CEP95: variants seen among roughly 807,000 people sequenced by gnomAD.
The protein encoded by CEP95 is centrosomal protein of 95 kDa.
CEP95 carries 98 observed loss-of-function variants against 111.2 expected under a neutral mutation model. That is an observed-to-expected ratio of 0.88 (90% CI 0.75 to 1.04). The LOEUF (loss-of-function observed/expected upper bound fraction) is 1.04, where lower values mean the gene tolerates loss of function less well. CEP95 is among the 50% of genes least tolerant of loss of function. The pLI, the probability that CEP95 is intolerant of heterozygous loss-of-function variation, is 0.00. For missense variants in CEP95, 1,027 were observed against 977.2 expected, an observed-to-expected ratio of 1.05 and a Z score of -0.68; for synonymous variants, 323 against 327.1, an observed-to-expected ratio of 0.99 and a Z score of 0.14.
At chr17:64,527,910 G>A (rs530646119) in intron 11 of CEP95, among the ~76,000 whole-genome samples, 34 of 150,108 alleles carry the variant, frequency 2.3e-4, no homozygotes, top group African/African-American at 6.4e-4. Context: ...ACACACACGC[G>A]TGTAGCACTA....
At chr17:64,506,898 T>G (rs1272909682), upstream of CEP95, 2 of 668,174 alleles carry the variant, frequency 3.0e-6, no homozygotes, top group African/African-American at 1.8e-5. Context: ...CCGTTTCACG[T>G]CCTGTGAAAG....
chr17:64,522,013 C>T lies in CEP95; in HGVS notation c.715+486C>T, dbSNP rs781924710. On this transcript the variant is annotated intron_variant, in intron 7 of 19. Coordinates refer to ENST00000556440, the MANE Select transcript of CEP95 (RefSeq NM_138363.3). ...CTGGGATTATAGGCGCTTGCTACCA[C>T]GCCCAGCTAACTTATTTTTAGTAGA... Among the ~76,000 whole-genome samples the T allele has an allele frequency of 1.2e-4, 18 of 152,104 alleles. 1 individual carries two copies. The highest frequency in any genetic ancestry group is 1.7e-4 in the African/African-American group (7 of 41,488).
chr17:64,507,799 G>A (rs2038644933), intron 1 of CEP95: 1 of 985,308 alleles, frequency 1.0e-6, no homozygotes. Flanking sequence ...GAACATAGTG[G>A]AGATGTTTGT....
chr17:64,507,587 C>T (rs782066071), intron 1 of CEP95: 54 of 1,015,642 alleles, frequency 5.3e-5, no homozygotes, highest in Non-Finnish European at 6.0e-5. Flanking sequence ...CTCTTCAGTG[C>T]CCTCTAGAGT....
At chr17:64,511,376 T>G (rs1385803186) in intron 3 of CEP95, among the ~76,000 whole-genome samples, 1 of 152,200 alleles carries the variant, frequency 6.6e-6, no homozygotes, top group African/African-American at 2.4e-5. Context: ...CGGGGGACCG[T>G]CTGTAGACCT....
In CEP95 at chr17:64,507,745, A is replaced by G; in HGVS notation, c.19+629A>G. The G allele has an allele frequency of 3.0e-6, 3 of 985,812 alleles. No individual in the cohort carries two copies. In the South Asian group the frequency reaches 1.4e-4, roughly 46 times the overall value. 61.1% of individuals were successfully genotyped at this position (985,812 alleles called of 1,614,324 possible). ...GGGCGTGGGGAGGGGGATTATGTGC[A>G]TGGAAAATACACTCTCATTCGTTTC... On this transcript the variant is annotated intron_variant, in intron 1 of 19. Transcript: ENST00000556440.
In CEP95 at chr17:64,507,014, G is replaced by A. The variant is rs2038573490; in HGVS notation, c.-84G>A. On this transcript the variant is annotated 5_prime_UTR_variant, in exon 1 of 20. Transcript: ENST00000556440. ...TTGGTTCGTGCGTCCGCGCCCCAGT[G>A]TCGGGTCTGCGTGGATCGGTCCTTC... The A allele has an allele frequency of 2.0e-6, 3 of 1,505,078 alleles. No individual in the cohort carries two copies. In the East Asian group the frequency reaches 7.4e-5, roughly 37 times the overall value. The allele number at this position is 1,505,078 out of a possible 1,614,324, so 93.2% of individuals were successfully genotyped here. A position where few individuals can be genotyped will look rare whatever the true frequency, so the allele number is the denominator to read the frequency against.
intron 11 of CEP95, 59 bp downstream of exon 11, chr17:64,527,323 C>T: frequency 7.6e-7 from 1 of 1,307,692 alleles, no homozygotes; most frequent in Non-Finnish European, 1.0e-6. Context: ...TAGGCAGTTC[C>T]ATCTGTTCTT....
chr17:64,508,045 C>A lies in CEP95; in HGVS notation c.20-547C>A, dbSNP rs1004148326. The A allele has an allele frequency of 4.1e-6, 4 of 985,132 alleles. No homozygotes were observed. In the Admixed American group the frequency reaches 1.8e-4, roughly 45 times the overall value. 61.0% of individuals were successfully genotyped at this position (985,132 alleles called of 1,614,324 possible). A position where few individuals can be genotyped will look rare whatever the true frequency, so the allele number is the denominator to read the frequency against. ...CGATATAATAAAAAAGAAAAACTAA[C>A]AAATGCATTACCGTTGATGTTGTTA... On this transcript the variant is annotated intron_variant, in intron 1 of 19. Transcript: ENST00000556440.
chr17:64,525,999 G>A (rs1463636659), intron 9 of CEP95, 72 bp from the exon 10 acceptor site: 4 of 1,536,082 alleles, frequency 2.6e-6, no homozygotes, highest in South Asian at 2.4e-5. Flanking sequence ...GTTAAAGTAC[G>A]TATTACAGTT....
At chr17:64,533,305 T>A (rs1968419647) in intron 16 of CEP95, 114 bp downstream of exon 16, 1 of 849,382 alleles carries the variant, frequency 1.2e-6, no homozygotes, top group Admixed American at 3.1e-5. Context: ...CACCTGCATG[T>A]GGAAGTGTTG....
chr17:64,527,002 C>A, intron 10 of CEP95, 109 bp from the exon 11 acceptor site: 3 of 776,148 alleles, frequency 3.9e-6, no homozygotes, highest in Non-Finnish European at 6.3e-6. Flanking sequence ...CGTCTGAAAA[C>A]TTGTTATTAG....
intron 4 of CEP95, chr17:64,514,680 ACTG>A (rs781874772): frequency 1.1e-5 from 4 of 371,404 alleles, no homozygotes; most frequent in East Asian, 7.7e-5. Flanking sequence ...GTGTGTCAGA[ACTG>A]CTATTTATGG....
At chr17:64,533,433 A>AAT (rs1295734432) in intron 16 of CEP95, among the ~76,000 whole-genome samples, 3 of 151,960 alleles carry the variant, frequency 2.0e-5, no homozygotes, top group Admixed American at 6.6e-5. Flanking sequence ...TGTCATTAAA[A>AAT]ATATATATAT....
chr17:64,518,892 G>C (rs1420912088), intron 5 of CEP95, among the ~76,000 whole-genome samples: 1 of 152,132 alleles, frequency 6.6e-6, no homozygotes, highest in Non-Finnish European at 1.5e-5. Flanking sequence ...ATGTTGGCCA[G>C]GCTGGTCGCA....
chr17:64,537,449 A>AT (rs1327851828), intron 19 of CEP95, 154 bp from the exon 20 acceptor site: 14 of 1,383,650 alleles, frequency 1.0e-5, no homozygotes, highest in East Asian at 2.6e-5. Flanking sequence ...TTATCCTATG[A>AT]TTTTAACTTT....
chr17:64,527,340 T>G, intron 11 of CEP95, 76 bp downstream of exon 11: 1 of 1,106,434 alleles, frequency 9.0e-7, no homozygotes, highest in Non-Finnish European at 1.2e-6. Flanking sequence ...TCTTAATAAC[T>G]TATATTCTAA....
In CEP95 at chr17:64,533,102, A is replaced by G; in HGVS notation, c.1843-15A>G. ...CAGCATTATTAACCTACTTAACTTCATGTCCCCCTTCAAGATAGAAGAAGC... is the reference window on the plus strand; with the variant it reads ...CAGCATTATTAACCTACTTAACTTCGTGTCCCCCTTCAAGATAGAAGAAGC... On this transcript the variant is annotated splice_polypyrimidine_tract_variant and intron_variant, in intron 15 of 19. Transcript: ENST00000556440. 3 of 1,607,064 alleles carry G rather than the reference A, an allele frequency of 1.9e-6. No homozygotes were observed. The highest frequency in any genetic ancestry group is 2.5e-6 in the Non-Finnish European group (3 of 1,177,746).
In CEP95 at chr17:64,510,164, C is replaced by T. The variant is rs782043985; in HGVS notation, c.149-9C>T. 1.3e-6 allele frequency: 2 copies of T among 1,542,572 alleles called. No homozygotes were observed. The highest frequency in any genetic ancestry group is 1.2e-5 in the South Asian group (1 of 86,922). ...GGATACAAAATTATGTGATTTTTTC[C>T]CCCCCCAGACCTCATAGTTATTCCT... is the stretch of plus-strand genomic sequence containing the variant. On this transcript the variant is annotated splice_polypyrimidine_tract_variant and intron_variant, in intron 2 of 19. Transcript: ENST00000556440.
Sources: allele counts gnomAD v4.1 joint callset (sites outside exome capture counted in the v4.1 genomes callset), GRCh38; gene constraint gnomAD v4.1.1; transcripts MANE v1.5; gene names NCBI Gene and HGNC (gene_info 2026-07-23, HGNC 2026-07-21).